Variants in TNIK observed in about 807,000 individuals in gnomAD.
TNIK encodes the protein TRAF2 and NCK interacting kinase.
In TNIK, 49 loss-of-function variants were observed where a neutral mutation model predicts 191.3. The observed-to-expected ratio is 0.26, with a 90% CI of 0.20 to 0.32. The LOEUF is 0.32. TNIK is among the 10% of genes least tolerant of loss of function. The probability of loss-of-function intolerance (pLI) is 1.00; values close to 1 mark genes in which losing one functional copy is unlikely to be tolerated. For synonymous variants in TNIK, 594 were observed against 600.9 expected (o/e 0.99, Z 0.17); for missense variants, 1,155 against 1,702.3 (o/e 0.68, Z 5.66).
intron 1 of TNIK, among the ~76,000 whole-genome samples, chr3:171,434,372 T>C (rs903200652): frequency 6.6e-6 from 1 of 152,236 alleles, no homozygotes; most frequent in African/African-American, 2.4e-5. Context: ...CTTTAGTTGA[T>C]TCTCTAAGTT....
At chr3:171,445,832 C>G (rs1453216378) in intron 1 of TNIK, among the ~76,000 whole-genome samples, 1 of 152,196 alleles carries the variant, frequency 6.6e-6, no homozygotes, top group Non-Finnish European at 1.5e-5. Context: ...AATGCGTAGC[C>G]ATTCTTCCTT....
At chr3:171,312,279 C>T (rs555277066) in intron 2 of TNIK, among the ~76,000 whole-genome samples, 12 of 151,806 alleles carry the variant, frequency 7.9e-5, no homozygotes, top group African/African-American at 2.7e-4. Context: ...GATCCATTTG[C>T]GAGCTCTGTG....
chr3:171,442,375 C>G lies in TNIK; in HGVS notation c.57+17632G>C, dbSNP rs534103283. ...AATGTCCCTGCTGCTTTGAATACCC[C>G]CAGGTACTCTTTGCAAACATACACA... On this transcript the variant is annotated intron_variant, in intron 1 of 32. Coordinates refer to ENST00000436636, the MANE Select transcript of TNIK (RefSeq NM_015028.4). Among the ~76,000 whole-genome samples, 129 of 152,254 alleles carry G rather than the reference C, an allele frequency of 8.5e-4. 1 individual carries two copies. The highest frequency in any genetic ancestry group is 3.0e-3 in the African/African-American group (126 of 41,536).
chr3:171,125,808 T>C (rs1489373102), intron 17 of TNIK, 104 bp downstream of exon 17: 2 of 1,507,912 alleles, frequency 1.3e-6, no homozygotes, highest in Admixed American at 4.0e-5. Context: ...GGGGAAGTGC[T>C]TTGGCATGAT....
intron 2 of TNIK, among the ~76,000 whole-genome samples, chr3:171,301,313 AC>A (rs1752853834): frequency 8.1e-6 from 1 of 123,096 alleles, no homozygotes; most frequent in African/African-American, 2.8e-5. Context: ...AACTAGCTGG[AC>A]TTTTTTTTTT....
intron 9 of TNIK, among the ~76,000 whole-genome samples, chr3:171,174,418 G>A (rs993663212): frequency 6.6e-6 from 1 of 152,184 alleles, no homozygotes; most frequent in Non-Finnish European, 1.5e-5. Context: ...CAGACCATGA[G>A]TAATCCGAGA....
At chr3:171,183,788 G>T (rs539375442) in intron 7 of TNIK, among the ~76,000 whole-genome samples, 1 of 152,120 alleles carries the variant, frequency 6.6e-6, no homozygotes, top group Admixed American at 6.5e-5. Context: ...GGGCGTGGTG[G>T]CGGGCGCCTG....
At chr3:171,172,655 G>A (rs11924070) in intron 9 of TNIK, among the ~76,000 whole-genome samples, 1,972 of 152,306 alleles carry the variant, frequency 0.013, 39 homozygotes, top group African/African-American at 0.045. Flanking sequence ...GGCTGGGATC[G>A]AAGTGTGAAA....
chr3:171,407,013 G>A (rs1459448545), intron 1 of TNIK, among the ~76,000 whole-genome samples: 1 of 152,224 alleles, frequency 6.6e-6, no homozygotes, highest in Non-Finnish European at 1.5e-5. Context: ...TGGGAGTGAG[G>A]AGAGGCAGAG....
chr3:171,372,070 TC>T (rs1325040637), intron 1 of TNIK, among the ~76,000 whole-genome samples: 1 of 152,102 alleles, frequency 6.6e-6, no homozygotes. Context: ...AGCTTCTACA[TC>T]CAAAGGTCAC....
chr3:171,459,993 A>T lies in TNIK; in HGVS notation c.57+14T>A. ...CCAAACCACTGGAAAGAAACCAGAAAACGTCCTGCTCACCCTCAGAGCCGA... is the reference window on the plus strand; with the variant it reads ...CCAAACCACTGGAAAGAAACCAGAATACGTCCTGCTCACCCTCAGAGCCGA... On this transcript the variant is annotated intron_variant, in intron 1 of 32. Transcript: ENST00000436636. The T allele has an allele frequency of 6.2e-7, 1 of 1,606,626 alleles. No individual in the cohort carries two copies. The highest frequency in any genetic ancestry group is 8.5e-7 in the Non-Finnish European group (1 of 1,176,552).
intron 2 of TNIK, among the ~76,000 whole-genome samples, chr3:171,285,629 TAA>T (rs1458907524): frequency 6.6e-6 from 1 of 152,252 alleles, no homozygotes; most frequent in Non-Finnish European, 1.5e-5. Context: ...TTATTATTAT[TAA>T]GAGGCACCCA....
At position 171,100,770 on chromosome 3, in the gene TNIK, G is replaced by T. The variant is rs529261252; in HGVS notation, c.2591+679C>A. 1.2e-4 allele frequency among the ~76,000 whole-genome samples: 17 copies of T among 143,652 alleles called. 1 individual carries two copies. The South Asian group carries it at 3.8e-3, about 32-fold the overall frequency. 94.2% of individuals were successfully genotyped at this position (143,652 alleles called of 152,430 possible). ...TGAAAAAAAAAAAAAAAAGAAAAAG[G>T]CTACAATTACTAAAGAAAATGTAGG... is the stretch of plus-strand genomic sequence containing the variant. On this transcript the variant is annotated intron_variant, in intron 22 of 32. Transcript: ENST00000436636.
At chr3:171,203,036 G>C (rs1739606210) in intron 4 of TNIK, among the ~76,000 whole-genome samples, 1 of 151,200 alleles carries the variant, frequency 6.6e-6, no homozygotes, top group Non-Finnish European at 1.5e-5. Context: ...ATTAACAAAA[G>C]ATAAATTTTA....
intron 1 of TNIK, among the ~76,000 whole-genome samples, chr3:171,383,265 C>G (rs938588306): frequency 6.6e-6 from 1 of 152,220 alleles, no homozygotes; most frequent in Non-Finnish European, 1.5e-5. Context: ...ATGGCCTAAA[C>G]CAGAGCATGC....
intron 2 of TNIK, among the ~76,000 whole-genome samples, chr3:171,287,273 A>G (rs920220978): frequency 2.0e-5 from 3 of 152,224 alleles, no homozygotes; most frequent in African/African-American, 7.2e-5. Flanking sequence ...AAAATTTTCA[A>G]CTATTAGTTA....
chr3:171,196,768 A>AT (rs991925534), intron 4 of TNIK, among the ~76,000 whole-genome samples: 22 of 150,130 alleles, frequency 1.5e-4, no homozygotes, highest in Non-Finnish European at 1.6e-4. Context: ...AATCTGGTTA[A>AT]TTTTTTTTTT....
chr3:171,355,874 T>C (rs1235578888), intron 2 of TNIK, among the ~76,000 whole-genome samples: 1 of 152,168 alleles, frequency 6.6e-6, no homozygotes, highest in African/African-American at 2.4e-5. Flanking sequence ...CTCTATTTCA[T>C]TGTCTCTCCC....
At chr3:171,197,514 G>A (rs905376908) in intron 4 of TNIK, among the ~76,000 whole-genome samples, 2 of 152,144 alleles carry the variant, frequency 1.3e-5, no homozygotes, top group Non-Finnish European at 2.9e-5. Context: ...TCTGATAAAG[G>A]TCTACTATCC....
Sources: allele counts gnomAD v4.1 joint callset (sites outside exome capture counted in the v4.1 genomes callset), GRCh38; gene constraint gnomAD v4.1.1; transcripts MANE v1.5; gene names NCBI Gene and HGNC (gene_info 2026-07-23, HGNC 2026-07-21).